GABRB2: variants seen among roughly 807,000 people sequenced by gnomAD.
The protein encoded by GABRB2 is gamma-aminobutyric acid type A receptor subunit beta2.
In GABRB2, 16 loss-of-function variants were observed where a neutral mutation model predicts 54.7. The observed-to-expected ratio is 0.29, with a 90% CI of 0.20 to 0.44. The LOEUF (loss-of-function observed/expected upper bound fraction) is 0.44, where lower values mean the gene tolerates loss of function less well. Among genes scored for constraint, GABRB2 ranks in the 20% least tolerant of loss-of-function variants. The pLI is 1.00. For missense variants in GABRB2, 355 were observed against 644.0 expected, an observed-to-expected ratio of 0.55 and a Z score of 4.86; for synonymous variants, 244 against 233.8, an observed-to-expected ratio of 1.04 and a Z score of -0.40.
At chr5:161,393,137 A>C (rs1433896588) in intron 5 of GABRB2, among the ~76,000 whole-genome samples, 1 of 151,776 alleles carries the variant, frequency 6.6e-6, no homozygotes, top group Non-Finnish European at 1.5e-5. Flanking sequence ...TTTGACTGAA[A>C]GCTCCATTTG....
At chr5:161,305,306 A>G (rs153298) in intron 9 of GABRB2, among the ~76,000 whole-genome samples, 75,599 of 151,796 alleles carry the variant, frequency 0.5, 20,881 homozygotes, top group African/African-American at 0.74. Context: ...GTGAGCCACC[A>G]CGCCCGGCCG....
chr5:161,517,255 T>C (rs1759978128), intron 3 of GABRB2, among the ~76,000 whole-genome samples: 1 of 152,176 alleles, frequency 6.6e-6, no homozygotes, highest in African/African-American at 2.4e-5. Context: ...TGGTCCTACC[T>C]GCCAAAGTCA....
At chr5:161,521,294 T>C (rs1370977169) in intron 3 of GABRB2, among the ~76,000 whole-genome samples, 4 of 151,974 alleles carry the variant, frequency 2.6e-5, no homozygotes, top group Admixed American at 1.3e-4. Context: ...TATTTTTTGT[T>C]ACCTTGATTA....
chr5:161,359,527 G>A (rs2113449227), intron 5 of GABRB2, among the ~76,000 whole-genome samples: 1 of 152,044 alleles, frequency 6.6e-6, no homozygotes, highest in South Asian at 2.1e-4. Context: ...GTATAAGGAT[G>A]GCAGTAGAAT....
intron 3 of GABRB2, among the ~76,000 whole-genome samples, chr5:161,474,414 A>G (rs528451491): frequency 4.6e-5 from 7 of 152,070 alleles, no homozygotes; most frequent in East Asian, 1.9e-4. Context: ...ACCTCCATAC[A>G]GTGCGGGGCC....
chr5:161,357,502 T>G (rs1437390022), intron 5 of GABRB2, among the ~76,000 whole-genome samples: 1 of 130,926 alleles, frequency 7.6e-6, no homozygotes, highest in Admixed American at 8.4e-5. Flanking sequence ...TTCACTATTA[T>G]GAGTGAGAGT....
intron 4 of GABRB2, among the ~76,000 whole-genome samples, chr5:161,420,958 T>C (rs10043074): frequency 0.24 from 36,149 of 152,004 alleles, 6,362 homozygotes; most frequent in African/African-American, 0.49. Context: ...ATGAACTTCC[T>C]CCTTTCTATC....
At chr5:161,503,824 C>T (rs972654140) in intron 3 of GABRB2, among the ~76,000 whole-genome samples, 4 of 151,220 alleles carry the variant, frequency 2.6e-5, no homozygotes, top group African/African-American at 9.7e-5. Flanking sequence ...ATAAGAGAGG[C>T]ATTTTAAATA....
chr5:161,415,703 A>G (rs3111049), intron 4 of GABRB2, among the ~76,000 whole-genome samples: 1 of 151,856 alleles, frequency 6.6e-6, no homozygotes, highest in Non-Finnish European at 1.5e-5. Flanking sequence ...ACCTCCACCC[A>G]CTGGGTTCAA....
At chr5:161,515,403 A>G (rs760177888) in intron 3 of GABRB2, among the ~76,000 whole-genome samples, 6 of 152,076 alleles carry the variant, frequency 3.9e-5, no homozygotes, top group Non-Finnish European at 5.9e-5. Flanking sequence ...ATTTTGGAAA[A>G]TGAATGAGTA....
chr5:161,444,540 A>G (rs1757559586), intron 4 of GABRB2, among the ~76,000 whole-genome samples: 1 of 152,198 alleles, frequency 6.6e-6, no homozygotes, highest in South Asian at 2.1e-4. Context: ...AAATGATAAC[A>G]TAACATAAGA....
At chr5:161,340,486 T>C (rs912392529) in intron 5 of GABRB2, among the ~76,000 whole-genome samples, 3 of 152,016 alleles carry the variant, frequency 2.0e-5, no homozygotes, top group African/African-American at 7.2e-5. Flanking sequence ...AATAAACATT[T>C]TCTGAGTGAG....
chr5:161,326,044 A>C (rs1431614842), intron 9 of GABRB2, among the ~76,000 whole-genome samples: 2 of 152,086 alleles, frequency 1.3e-5, no homozygotes, highest in Non-Finnish European at 2.9e-5. Context: ...CACAACAATA[A>C]AACTAAGAAA....
At chr5:161,391,885 A>C (rs754447816) in intron 5 of GABRB2, among the ~76,000 whole-genome samples, 2 of 152,184 alleles carry the variant, frequency 1.3e-5, no homozygotes, top group Non-Finnish European at 2.9e-5. Context: ...GACTCTAAGA[A>C]GGGACTGACT....
chr5:161,403,539 G>T (rs933671050), intron 5 of GABRB2, among the ~76,000 whole-genome samples: 1 of 152,100 alleles, frequency 6.6e-6, no homozygotes, highest in Non-Finnish European at 1.5e-5. Context: ...AAGATTAGCA[G>T]ACATCTGAAG....
At chr5:161,538,640 G>A (rs1287982393) in intron 3 of GABRB2, among the ~76,000 whole-genome samples, 2 of 152,054 alleles carry the variant, frequency 1.3e-5, no homozygotes, top group East Asian at 1.9e-4. Flanking sequence ...CCTGGGCAAC[G>A]TGGTGAAACC....
In GABRB2 at chr5:161,451,399, A is replaced by G. The variant is rs575071949; in HGVS notation, c.458+8225T>C. ...TTTTTAGATGGGTCAGCTACAACTG[A>G]GAACATAAGAAAGTCATTCCTTCCA... On this transcript the variant is annotated intron_variant, in intron 4 of 9. Transcript: ENST00000393959. Among the ~76,000 whole-genome samples, 78 of 152,296 alleles carry G rather than the reference A, an allele frequency of 5.1e-4. 1 individual carries two copies. Among genetic ancestry groups the G allele is most frequent in the African/African-American group, 1.8e-3 (75 of 41,584 alleles).
chr5:161,449,067 TTCA>T (rs959044042), intron 4 of GABRB2, among the ~76,000 whole-genome samples: 13 of 152,154 alleles, frequency 8.5e-5, no homozygotes, highest in Admixed American at 7.2e-4. Flanking sequence ...ATCTAGACTC[TTCA>T]GTCTTCTCCA....
At chr5:161,371,354 A>T (rs190342271) in intron 5 of GABRB2, among the ~76,000 whole-genome samples, 65 of 152,334 alleles carry the variant, frequency 4.3e-4, no homozygotes, top group African/African-American at 1.4e-3. Context: ...ATCTGTATGC[A>T]TGCATCTGTC....
Sources: gnomAD v4.1 joint callset for allele counts (sites outside exome capture counted in the v4.1 genomes callset) on GRCh38, gnomAD v4.1.1 for gene constraint, MANE v1.5 for transcripts, NCBI Gene and HGNC (gene_info 2026-07-23, HGNC 2026-07-21) for gene names.